R3HDM4: variants seen among roughly 807,000 people sequenced by gnomAD.
The protein encoded by R3HDM4 is R3H domain containing 4.
R3HDM4 carries 30 observed loss-of-function variants against 31.3 expected under a neutral mutation model. That is an observed-to-expected ratio of 0.96 (90% CI 0.72 to 1.30). R3HDM4 has a LOEUF of 1.30. Ranked by LOEUF, R3HDM4 falls within the 50% of genes most tolerant of loss-of-function variation. R3HDM4 has a pLI of 0.00. For synonymous variants in R3HDM4, 196 were observed against 156.6 expected (o/e 1.25, Z -1.88); for missense variants, 444 against 366.1 (o/e 1.21, Z -1.74).
chr19:913,171 TCGC>T lies in R3HDM4; in HGVS notation c.-17_-15del, dbSNP rs947644831. ...CAGCGCGACCATGGCTCGCACGCTG[TCGC>T]CGCCGCCGCCGCCCGGCAGGGCCTT... On this transcript the variant is annotated 5_prime_UTR_variant, in exon 1 of 8. Coordinates refer to ENST00000361574, the MANE Select transcript of R3HDM4 (RefSeq NM_138774.4). This position sits in a 1 kb window ranked among gnomAD's most constrained non-coding sequence, Gnocchi z 5.0. 133 of 1,062,912 alleles carry T rather than the reference TCGC, an allele frequency of 1.3e-4. No individual in the cohort carries two copies. Among genetic ancestry groups the T allele is most frequent in the East Asian group, 1.1e-3 (15 of 13,576 alleles). The allele number at this position is 1,062,912 out of a possible 1,614,324, so 65.8% of individuals were successfully genotyped here. A position where few individuals can be genotyped will look rare whatever the true frequency, so the allele number is the denominator to read the frequency against.
chr19:900,138 C>CGG lies in R3HDM4; in HGVS notation c.482_483dup (p.Ala162ProfsTer53). ...TGGAAGCACTCGCGGGGTGTATAGG[C>CGG]GGGGTCCTCTGCAGGAGTGGGGGAA... On this transcript the variant is annotated frameshift_variant, in exon 5 of 8. Transcript: ENST00000361574. LOFTEE classifies it high-confidence loss of function. The CGG allele has an allele frequency of 6.3e-7, 1 of 1,580,618 alleles. No individual in the cohort carries two copies. Among genetic ancestry groups the CGG allele is most frequent in the Non-Finnish European group, 8.6e-7 (1 of 1,164,462 alleles).
At chr19:905,137 A>C (rs1357014707) in intron 1 of R3HDM4, among the ~76,000 whole-genome samples, 7 of 147,904 alleles carry the variant, frequency 4.7e-5, no homozygotes, top group African/African-American at 1.7e-4. Flanking sequence ...GAACCTGGGA[A>C]GCAGAGGTTG....
At chr19:903,483 G>A (rs975769526) in intron 1 of R3HDM4, among the ~76,000 whole-genome samples, 8 of 151,540 alleles carry the variant, frequency 5.3e-5, no homozygotes, top group African/African-American at 4.9e-5. Context: ...CGCAGCCACC[G>A]GGCACCCGGG....
intron 1 of R3HDM4, among the ~76,000 whole-genome samples, chr19:903,577 G>A (rs1044198892): frequency 1.3e-5 from 2 of 152,230 alleles, no homozygotes; most frequent in African/African-American, 2.4e-5. Flanking sequence ...GGGGCCTCAT[G>A]GATGGGGACT....
chr19:901,627 C>T (rs2036838718), intron 2 of R3HDM4, 81 bp from the exon 3 acceptor site: 1 of 1,531,734 alleles, frequency 6.5e-7, no homozygotes, highest in East Asian at 2.3e-5. Context: ...AACTAGCCTT[C>T]CTCCTTTTTT....
chr19:898,233 TA>T (rs2036767916), intron 7 of R3HDM4, among the ~76,000 whole-genome samples: 2 of 140,418 alleles, frequency 1.4e-5, no homozygotes, highest in Non-Finnish European at 3.1e-5. Context: ...AAAAAAAATA[TA>T]TATATATATA....
Position 901,439 on chromosome 19 carries a change from T to C in R3HDM4, c.334A>G (p.Asn112Asp). The C allele has an allele frequency of 6.2e-7, 1 of 1,607,772 alleles. No homozygotes were observed. ...SPGIFAEACNNATYVEVWNDF... is the reference protein window; with the variant it reads ...SPGIFAEACNDATYVEVWNDF... ...GGCCACACCTCCACATAGGTGGCGT[T>C]GTTGCAGGCCTCGGCAAAGATGCCT... The change falls in exon 3 of 8, where the codon AAC (asparagine) becomes GAC (aspartate). Residue 112 changes from asparagine to aspartate, a missense_variant. By Grantham distance (23) the Asn-to-Asp change is conservative. Coordinates refer to ENST00000361574, the MANE Select transcript of R3HDM4 (RefSeq NM_138774.4).
chr19:898,229 A>AT (rs1555720571), intron 7 of R3HDM4, among the ~76,000 whole-genome samples: 1,927 of 140,642 alleles, frequency 0.014, 35 homozygotes, highest in African/African-American at 0.039. Flanking sequence ...TAAAAAAAAA[A>AT]ATATATATAT....
chr19:901,762 C>T (rs1052886570), intron 2 of R3HDM4: 46 of 816,096 alleles, frequency 5.6e-5, no homozygotes, highest in African/African-American at 1.4e-4. Context: ...CTCCAATGCC[C>T]GGGGCGCCCT....
chr19:908,106 C>T (rs1377283433), intron 1 of R3HDM4, among the ~76,000 whole-genome samples: 1 of 151,984 alleles, frequency 6.6e-6, no homozygotes, highest in Non-Finnish European at 1.5e-5. Context: ...GCAGGAGAAT[C>T]GCTTGGACCT....
chr19:910,846 G>T (rs978949562), intron 1 of R3HDM4, among the ~76,000 whole-genome samples: 10 of 152,124 alleles, frequency 6.6e-5, no homozygotes, highest in Non-Finnish European at 2.9e-5. Context: ...ACTAGCCGGC[G>T]CGGTGGCTCA....
chr19:902,225 A>G, intron 1 of R3HDM4, 95 bp from the exon 2 acceptor site: 4 of 1,370,604 alleles, frequency 2.9e-6, no homozygotes, highest in Non-Finnish European at 4.1e-6. Flanking sequence ...GGTTTCCCCC[A>G]GCAATGGAGA....
Position 900,132 on chromosome 19 carries a change from T to C in R3HDM4, c.490A>G (p.Thr164Ala). The change falls in exon 5 of 8, where the codon ACA becomes GCA. Residue 164 changes from threonine (T) to alanine (A), a missense_variant. Coordinates refer to ENST00000361574, the MANE Select transcript of R3HDM4 (RefSeq NM_138774.4). Reference sequence around the variant, plus strand: ...ATGCGCTGGAAGCACTCGCGGGGTGTATAGGCGGGGTCCTCTGCAGGAGTG... The same window carrying C: ...ATGCGCTGGAAGCACTCGCGGGGTGCATAGGCGGGGTCCTCTGCAGGAGTG... ...EDRRREDPAY[T>A]PRECFQRISR... The C allele has an allele frequency of 6.3e-7, 1 of 1,589,800 alleles. No individual in the cohort carries two copies. Among genetic ancestry groups the C allele is most frequent in the Non-Finnish European group, 8.6e-7 (1 of 1,168,816 alleles).
Position 900,810 on chromosome 19 carries a change from GC to G in R3HDM4, c.475+18del, listed in dbSNP as rs2036823061. The G allele has an allele frequency of 7.5e-6, 3 of 398,060 alleles. No homozygotes were observed. The highest frequency in any genetic ancestry group is 1.3e-5 in the Non-Finnish European group (3 of 231,808). 24.7% of individuals were successfully genotyped at this position (398,060 alleles called of 1,614,324 possible). On this transcript the variant is annotated intron_variant, in intron 4 of 7. Coordinates refer to ENST00000361574, the MANE Select transcript of R3HDM4 (RefSeq NM_138774.4). Reference sequence around the variant, plus strand: ...CCATACCCTGGCCCCACCCATACCCGCCCCAGCCAGGCCCGCACCTCTCCTC... The same window carrying G: ...CCATACCCTGGCCCCACCCATACCCGCCCAGCCAGGCCCGCACCTCTCCTC...
In R3HDM4 at chr19:901,425, C is replaced by T; in HGVS notation, c.348G>A (p.Val116=). 1 of 1,605,690 alleles carries T rather than the reference C, an allele frequency of 6.2e-7. No homozygotes were observed. Among genetic ancestry groups the T allele is most frequent in the Non-Finnish European group, 8.5e-7 (1 of 1,179,242 alleles). Residue 116 remains valine (V), a synonymous_variant, in exon 3 of 8, where the codon GTG becomes GTA. Coordinates refer to ENST00000361574, the MANE Select transcript of R3HDM4 (RefSeq NM_138774.4). ...FAEACNNATY[V]EVWNDFMNRS... is the part of the protein sequence containing the mutation. Reference sequence around the variant, plus strand: ...GTGAGGGGGTTGGGGGCCACACCTCCACATAGGTGGCGTTGTTGCAGGCCT... The same window carrying T: ...GTGAGGGGGTTGGGGGCCACACCTCTACATAGGTGGCGTTGTTGCAGGCCT...
At chr19:904,611 A>G (rs2036880324) in intron 1 of R3HDM4, among the ~76,000 whole-genome samples, 1 of 151,890 alleles carries the variant, frequency 6.6e-6, no homozygotes, top group Non-Finnish European at 1.5e-5. Flanking sequence ...AGGAGGAAGG[A>G]CAGCTTGAGG....
In R3HDM4 at chr19:900,659, C is replaced by T. The variant is rs550869583; in HGVS notation, c.475+170G>A. On this transcript the variant is annotated intron_variant, in intron 4 of 7. Coordinates refer to ENST00000361574, the MANE Select transcript of R3HDM4 (RefSeq NM_138774.4). ...TCGCGGCCCCACCCACCCCAGGCCTCGCCCCCATCCCCCATCCATACCTGG... is the reference window on the plus strand; with the variant it reads ...TCGCGGCCCCACCCACCCCAGGCCTTGCCCCCATCCCCCATCCATACCTGG... Among the ~76,000 whole-genome samples, 715 of 134,258 alleles carry T rather than the reference C, an allele frequency of 5.3e-3. 24 individuals carry two copies. The highest frequency in any genetic ancestry group is 0.02 in the African/African-American group (662 of 33,830). 88.1% of individuals were successfully genotyped at this position (134,258 alleles called of 152,430 possible). A position where few individuals can be genotyped will look rare whatever the true frequency, so the allele number is the denominator to read the frequency against.
intron 1 of R3HDM4, among the ~76,000 whole-genome samples, chr19:912,728 G>A (rs1204616462): frequency 2.3e-5 from 3 of 132,434 alleles, no homozygotes; most frequent in African/African-American, 8.5e-5. Context: ...GCAGTGGGGG[G>A]GCGGACCGGG....
Position 901,649 on chromosome 19 carries a change from C to T in R3HDM4, c.227-103G>A, listed in dbSNP as rs117079350. On this transcript the variant is annotated intron_variant, in intron 2 of 7. Transcript: ENST00000361574. ...CTTCCTCCTTTTTTATCATCTCAACCTCCGCACCTCCATGCTCCAACTGTC... is the reference window on the plus strand; with the variant it reads ...CTTCCTCCTTTTTTATCATCTCAACTTCCGCACCTCCATGCTCCAACTGTC... 6,583 of 1,409,444 alleles carry T rather than the reference C, an allele frequency of 4.7e-3. 233 individuals are homozygous for T. The South Asian group carries it at 0.06, about 13-fold the overall frequency. The allele number at this position is 1,409,444 out of a possible 1,614,324, so 87.3% of individuals were successfully genotyped here. A position where few individuals can be genotyped will look rare whatever the true frequency, so the allele number is the denominator to read the frequency against.
Sources: allele counts gnomAD v4.1 joint callset (sites outside exome capture counted in the v4.1 genomes callset), GRCh38; gene constraint gnomAD v4.1.1; non-coding constraint Gnocchi (gnomAD v3.1); transcripts MANE v1.5; gene names NCBI Gene and HGNC (gene_info 2026-07-23, HGNC 2026-07-21).